The following GPC5 variants were observed in gnomAD, a reference collection of about 807,000 sequenced individuals.
GPC5 encodes the protein glypican 5, also known as glypican-5.
Under a neutral mutation model 53.9 loss-of-function variants are expected in GPC5, and 47 were observed. The ratio of observed to expected loss-of-function variants is 0.87; its 90% CI spans 0.69 to 1.11. The LOEUF (loss-of-function observed/expected upper bound fraction) is 1.11. GPC5 is among the 50% of genes most tolerant of loss of function. The probability of loss-of-function intolerance (pLI) is 0.00; values close to 1 mark genes in which losing one functional copy is unlikely to be tolerated. For synonymous variants in GPC5, 286 were observed against 263.3 expected, an observed-to-expected ratio of 1.09 and a Z score of -0.84; for missense variants, 748 against 713.1, an observed-to-expected ratio of 1.05 and a Z score of -0.56.
chr13:92,385,515 C>CATATAT (rs1566567755), intron 7 of GPC5, among the ~76,000 whole-genome samples: 2 of 133,306 alleles, frequency 1.5e-5, no homozygotes, highest in African/African-American at 5.8e-5. Flanking sequence ...TACATATATA[C>CATATAT]ATACATATGC....
intron 5 of GPC5, among the ~76,000 whole-genome samples, chr13:91,769,327 C>T (rs1012915845): frequency 6.6e-6 from 1 of 152,258 alleles, no homozygotes; most frequent in Admixed American, 6.5e-5. Context: ...TTCACAGCAA[C>T]GTGTAGACTG....
rs142536191 is a variant in GPC5 at position 92,178,772 on chromosome 13, C to G, written c.1561+33783C>G. The stretch of plus-strand genomic sequence containing the variant: ...TGGGCAGATCACAAGGTCAGGAGAT[C>G]AAGACCATCCTGGTTAACATGGTGA... On this transcript the variant is annotated intron_variant, in intron 7 of 7. Transcript: ENST00000377067. Among the ~76,000 whole-genome samples, 1,364 of 152,066 alleles carry G rather than the reference C, an allele frequency of 9.0e-3. 21 individuals carry two copies. Among genetic ancestry groups the G allele is most frequent in the African/African-American group, 0.031 (1,291 of 41,484 alleles).
At chr13:91,653,690 C>T (rs1322296517) in intron 2 of GPC5, among the ~76,000 whole-genome samples, 1 of 152,060 alleles carries the variant, frequency 6.6e-6, no homozygotes, top group Non-Finnish European at 1.5e-5. Flanking sequence ...CCTCTTTCTC[C>T]CTTCCTCTTT....
intron 5 of GPC5, among the ~76,000 whole-genome samples, chr13:91,873,255 T>C (rs923517776): frequency 2.0e-5 from 3 of 152,208 alleles, no homozygotes; most frequent in Admixed American, 1.3e-4. Context: ...TGCATAGTGA[T>C]TAAGAGAATG....
At chr13:92,092,917 G>A (rs2041392143) in intron 6 of GPC5, among the ~76,000 whole-genome samples, 1 of 152,184 alleles carries the variant, frequency 6.6e-6, no homozygotes, top group Non-Finnish European at 1.5e-5. Flanking sequence ...ATGCTGAAAT[G>A]AATTTGCTTA....
intron 1 of GPC5, among the ~76,000 whole-genome samples, chr13:91,441,772 T>C (rs1307394148): frequency 1.3e-5 from 2 of 152,210 alleles, no homozygotes; most frequent in Admixed American, 6.5e-5. Flanking sequence ...TTCTTGGATG[T>C]ATACAAAGAA....
chr13:92,820,997 C>T (rs1877654771), intron 7 of GPC5, among the ~76,000 whole-genome samples: 1 of 152,126 alleles, frequency 6.6e-6, no homozygotes, highest in Non-Finnish European at 1.5e-5. Context: ...GATCTAGAGA[C>T]GTATGCTTAA....
At chr13:92,312,413 T>A (rs1346903352) in intron 7 of GPC5, among the ~76,000 whole-genome samples, 2 of 152,182 alleles carry the variant, frequency 1.3e-5, no homozygotes, top group Non-Finnish European at 1.5e-5. Context: ...CATAATATTC[T>A]GAAAAGATAA....
chr13:92,283,382 C>G (rs913303383), intron 7 of GPC5, among the ~76,000 whole-genome samples: 2 of 152,132 alleles, frequency 1.3e-5, no homozygotes, highest in Non-Finnish European at 2.9e-5. Context: ...CAGCTCTGCA[C>G]CAAGGGGACC....
intron 2 of GPC5, among the ~76,000 whole-genome samples, chr13:91,587,455 A>C (rs1436255116): frequency 6.6e-6 from 1 of 152,160 alleles, no homozygotes; most frequent in Non-Finnish European, 1.5e-5. Context: ...TAAAATAAGC[A>C]ATGTGTCAGT....
At chr13:91,694,334 CAG>C (rs982108846) in intron 3 of GPC5, among the ~76,000 whole-genome samples, 3 of 152,164 alleles carry the variant, frequency 2.0e-5, no homozygotes, top group African/African-American at 7.2e-5. Flanking sequence ...GTTAGAATTT[CAG>C]AAGCATTTGG....
At chr13:92,554,899 AT>A (rs1272858167) in intron 7 of GPC5, among the ~76,000 whole-genome samples, 2 of 147,060 alleles carry the variant, frequency 1.4e-5, no homozygotes, top group Admixed American at 1.4e-4. Flanking sequence ...AATTTTGGGT[AT>A]TTTTTTTACC....
intron 7 of GPC5, among the ~76,000 whole-genome samples, chr13:92,480,823 TGAGTTCAGTG>T (rs1180937718): frequency 1.3e-5 from 2 of 152,106 alleles, no homozygotes; most frequent in Non-Finnish European, 2.9e-5. Flanking sequence ...CTTACCTGGG[TGAGTTCAGTG>T]TAGTCATAAG....
At chr13:92,388,241 AAAG>A (rs1461965559) in intron 7 of GPC5, among the ~76,000 whole-genome samples, 1 of 152,102 alleles carries the variant, frequency 6.6e-6, no homozygotes, top group Non-Finnish European at 1.5e-5. Context: ...TGAAAAATAA[AAAG>A]AAATTGATTA....
At chr13:91,883,395 A>AT (rs1390383227) in intron 5 of GPC5, among the ~76,000 whole-genome samples, 2 of 152,182 alleles carry the variant, frequency 1.3e-5, no homozygotes, top group Non-Finnish European at 2.9e-5. Context: ...ACCTAGACCT[A>AT]TTTTTTGACG....
intron 7 of GPC5, among the ~76,000 whole-genome samples, chr13:92,621,175 A>G (rs1884856916): frequency 6.6e-6 from 1 of 152,174 alleles, no homozygotes; most frequent in African/African-American, 2.4e-5. Context: ...TTATGTAAGC[A>G]GAGTTGTCAT....
chr13:91,861,764 C>CAAAAA (rs2039031933), intron 5 of GPC5, among the ~76,000 whole-genome samples: 3 of 95,094 alleles, frequency 3.2e-5, no homozygotes, highest in Admixed American at 2.3e-4. Context: ...TGTTTCTCTT[C>CAAAAA]TCTTATTTTT....
chr13:91,494,944 T>G (rs1022658398), intron 2 of GPC5, among the ~76,000 whole-genome samples: 2 of 152,212 alleles, frequency 1.3e-5, no homozygotes, highest in Non-Finnish European at 2.9e-5. Flanking sequence ...ATATCAGAAC[T>G]GCTATCTTCA....
At chr13:92,604,303 A>C (rs1884179148) in intron 7 of GPC5, among the ~76,000 whole-genome samples, 1 of 152,146 alleles carries the variant, frequency 6.6e-6, no homozygotes, top group Admixed American at 6.5e-5. Flanking sequence ...GTATTTATTC[A>C]GAAATCAGTA....
Sources: gnomAD v4.1 joint callset for allele counts (sites outside exome capture counted in the v4.1 genomes callset) on GRCh38, gnomAD v4.1.1 for gene constraint, MANE v1.5 for transcripts, NCBI Gene and HGNC (gene_info 2026-07-23, HGNC 2026-07-21) for gene names.